The following APBA2 variants were observed in gnomAD, a reference collection of about 807,000 sequenced individuals.
APBA2 encodes amyloid beta precursor protein binding family A member 2.
In APBA2, 30 loss-of-function variants were observed where a neutral mutation model predicts 75.0. The ratio of observed to expected loss-of-function variants is 0.40; its 90% CI spans 0.30 to 0.54. The LOEUF (loss-of-function observed/expected upper bound fraction) is 0.54, where lower values mean the gene tolerates loss of function less well. Among genes scored for constraint, APBA2 ranks in the 20% least tolerant of loss-of-function variants. APBA2 has a pLI of 0.49. For missense variants in APBA2, 801 were observed against 1,016.1 expected (o/e 0.79, Z 2.88); for synonymous variants, 444 against 409.6 (o/e 1.08, Z -1.01).
rs1369070133 is a variant in APBA2 at position 29,117,165 on chromosome 15, C to T, written c.*32C>T. ...CCAGCCTGGCCACGCAGCCAGGACACCGGGCAGGGCCGCCCGGGCCCAGAG... is the reference window on the plus strand; with the variant it reads ...CCAGCCTGGCCACGCAGCCAGGACATCGGGCAGGGCCGCCCGGGCCCAGAG... On this transcript the variant is annotated 3_prime_UTR_variant, in exon 15 of 15. Coordinates refer to ENST00000683413, the MANE Select transcript of APBA2 (RefSeq NM_001353788.2). 3.7e-6 allele frequency: 6 copies of T among 1,604,372 alleles called. No individual in the cohort carries two copies. Among genetic ancestry groups the T allele is most frequent in the Non-Finnish European group, 5.1e-6 (6 of 1,172,524 alleles).
At chr15:29,021,985 A>T (rs2039978386) in intron 3 of APBA2, among the ~76,000 whole-genome samples, 1 of 152,192 alleles carries the variant, frequency 6.6e-6, no homozygotes, top group South Asian at 2.1e-4. Flanking sequence ...TCTTTTTAAA[A>T]GCCGAATAAC....
At chr15:29,004,792 G>T (rs2039026855) in intron 3 of APBA2, among the ~76,000 whole-genome samples, 2 of 152,148 alleles carry the variant, frequency 1.3e-5, no homozygotes, top group African/African-American at 4.8e-5. Context: ...CAATTCTCCT[G>T]CCTCAGCCTC....
chr15:28,911,475 T>G (rs896763848), intron 1 of APBA2, among the ~76,000 whole-genome samples: 22 of 152,336 alleles, frequency 1.4e-4, no homozygotes, highest in African/African-American at 5.3e-4. Context: ...GGAGATAAGA[T>G]GCTCAGACCC....
chr15:28,985,293 G>T (rs1595650391), intron 2 of APBA2, among the ~76,000 whole-genome samples: 1 of 152,156 alleles, frequency 6.6e-6, no homozygotes, highest in African/African-American at 2.4e-5. Flanking sequence ...TTCAGATCAG[G>T]CTCCAGCACC....
chr15:29,101,824 C>T, intron 10 of APBA2, 40 bp downstream of exon 10: 1 of 1,599,214 alleles, frequency 6.3e-7, no homozygotes. Flanking sequence ...TCCCAAAGTT[C>T]ACAGCCCAGG....
Position 29,028,070 on chromosome 15 carries a change from G to C in APBA2, c.-40-25775G>C, listed in dbSNP as rs184041213. Among the ~76,000 whole-genome samples the C allele has an allele frequency of 2.3e-3, 342 of 151,856 alleles. 4 individuals are homozygous for C. Among genetic ancestry groups the C allele is most frequent in the Non-Finnish European group, 4.4e-3 (298 of 67,984 alleles). The stretch of plus-strand genomic sequence containing the variant: ...TGTTAGGCCGGTAAACGTGTGCCAT[G>C]GTGGTTTGCTGCACCTATCAACCCA... On this transcript the variant is annotated intron_variant, in intron 3 of 14. Coordinates refer to ENST00000683413, the MANE Select transcript of APBA2 (RefSeq NM_001353788.2).
At chr15:29,049,886 G>T (rs1410347819) in intron 3 of APBA2, among the ~76,000 whole-genome samples, 3 of 152,122 alleles carry the variant, frequency 2.0e-5, no homozygotes, top group African/African-American at 7.2e-5. Context: ...TCAGTGATTT[G>T]GAGGGCAAAT....
At position 29,115,540 on chromosome 15, in the gene APBA2, C is replaced by T. The variant is rs115897523; in HGVS notation, c.2179-1522C>T. Among the ~76,000 whole-genome samples the T allele has an allele frequency of 4.7e-3, 721 of 152,262 alleles. 8 individuals are homozygous for T. Among genetic ancestry groups the T allele is most frequent in the African/African-American group, 0.017 (697 of 41,552 alleles). On this transcript the variant is annotated intron_variant, in intron 14 of 14. Transcript: ENST00000683413. ...CCCCACACCTGTGAGGAAATCCACC[C>T]GTGGAGGAGCGGGCGGGAGAACGGG...
chr15:29,063,381 A>G (rs1242738268), intron 4 of APBA2, among the ~76,000 whole-genome samples: 1 of 111,846 alleles, frequency 8.9e-6, no homozygotes, highest in African/African-American at 3.5e-5. Flanking sequence ...CAGTGTCTGT[A>G]TGGGTGGTGC....
At chr15:29,100,347 T>C (rs938383342) in intron 9 of APBA2, among the ~76,000 whole-genome samples, 1 of 152,184 alleles carries the variant, frequency 6.6e-6, no homozygotes, top group Non-Finnish European at 1.5e-5. Flanking sequence ...AGTCAGCAGC[T>C]GAGACAAAGG....
At chr15:29,008,494 G>T (rs1319506812) in intron 3 of APBA2, among the ~76,000 whole-genome samples, 2 of 152,094 alleles carry the variant, frequency 1.3e-5, no homozygotes, top group African/African-American at 4.8e-5. Context: ...AGCATAGATG[G>T]CAGGATCACT....
chr15:28,896,049 G>A (rs2032463549), intron 1 of APBA2, among the ~76,000 whole-genome samples: 1 of 152,114 alleles, frequency 6.6e-6, no homozygotes. Flanking sequence ...GGAAGTTGAG[G>A]CTGCAGTGAG....
At chr15:28,988,461 G>T (rs55808129) in intron 2 of APBA2, among the ~76,000 whole-genome samples, 286 of 150,674 alleles carry the variant, frequency 1.9e-3, no homozygotes, top group African/African-American at 6.6e-3. Context: ...ACGAGGTTTC[G>T]CCATGTTGGC....
At chr15:29,034,596 A>G (rs2040651269) in intron 3 of APBA2, among the ~76,000 whole-genome samples, 1 of 152,100 alleles carries the variant, frequency 6.6e-6, no homozygotes, top group African/African-American at 2.4e-5. Context: ...TATGCATGCT[A>G]TTTGTTTACT....
chr15:29,047,389 C>T (rs951522005), intron 3 of APBA2, among the ~76,000 whole-genome samples: 4 of 152,156 alleles, frequency 2.6e-5, no homozygotes, highest in African/African-American at 9.7e-5. Flanking sequence ...GGGATCATTA[C>T]CAGTCCACAG....
chr15:28,910,857 G>A (rs1033884085), intron 1 of APBA2, among the ~76,000 whole-genome samples: 1 of 152,086 alleles, frequency 6.6e-6, no homozygotes, highest in African/African-American at 2.4e-5. Context: ...TGTTAAATGG[G>A]CTTGATATGA....
At position 29,068,285 on chromosome 15, in the gene APBA2, G is replaced by A. The variant is rs116513680; in HGVS notation, c.952-6636G>A. Among the ~76,000 whole-genome samples, 834 of 152,312 alleles carry A rather than the reference G, an allele frequency of 5.5e-3. 10 individuals are homozygous for A. Among genetic ancestry groups the A allele is most frequent in the African/African-American group, 0.019 (783 of 41,562 alleles). ...TAAGTTAGCAGGATGGAAAAATTGC[G>A]GATGTTTGCAGCAAATGTGTAGAAC... On this transcript the variant is annotated intron_variant, in intron 4 of 14. Transcript: ENST00000683413.
chr15:28,891,306 G>A (rs927358362), intron 1 of APBA2, among the ~76,000 whole-genome samples: 20 of 152,188 alleles, frequency 1.3e-4, no homozygotes, highest in African/African-American at 4.6e-4. Context: ...CTGCTGTGAC[G>A]GGGCAGTGCT....
intron 2 of APBA2, among the ~76,000 whole-genome samples, chr15:28,967,132 TC>T (rs2036780607): frequency 6.6e-6 from 1 of 152,226 alleles, no homozygotes; most frequent in Admixed American, 6.5e-5. Context: ...TTCTTTAGCT[TC>T]TCTTCTCCTG....
Sources: allele counts gnomAD v4.1 joint callset (sites outside exome capture counted in the v4.1 genomes callset), GRCh38; gene constraint gnomAD v4.1.1; transcripts MANE v1.5; gene names NCBI Gene and HGNC (gene_info 2026-07-23, HGNC 2026-07-21).